Variants in LCLAT1 observed in about 807,000 individuals in gnomAD.
The protein encoded by LCLAT1 is lysocardiolipin acyltransferase 1.
A neutral mutation model predicts 30.7 loss-of-function variants in LCLAT1; 11 were observed. That is an observed-to-expected ratio of 0.36 (90% CI 0.23 to 0.59). LCLAT1 has a LOEUF of 0.59. Among genes scored for constraint, LCLAT1 ranks in the 20% least tolerant of loss-of-function variants. The probability of loss-of-function intolerance (pLI) is 0.77; values close to 1 mark genes in which losing one functional copy is unlikely to be tolerated. For synonymous variants in LCLAT1, 155 were observed against 151.3 expected, an observed-to-expected ratio of 1.02 and a Z score of -0.18; for missense variants, 402 against 458.6, an observed-to-expected ratio of 0.88 and a Z score of 1.13.
intron 1 of LCLAT1, among the ~76,000 whole-genome samples, chr2:30,513,476 C>T (rs1246541573): frequency 6.6e-6 from 1 of 152,076 alleles, no homozygotes; most frequent in Non-Finnish European, 1.5e-5. Context: ...ACTTTATTGA[C>T]CCCTAGTCTC....
intron 5 of LCLAT1, among the ~76,000 whole-genome samples, chr2:30,603,129 A>C (rs555744169): frequency 6.6e-5 from 10 of 152,176 alleles, no homozygotes; most frequent in Admixed American, 5.2e-4. Flanking sequence ...TCAATATATA[A>C]TGCAACATAT....
At chr2:30,601,240 A>C (rs1035203217) in intron 5 of LCLAT1, among the ~76,000 whole-genome samples, 2 of 152,142 alleles carry the variant, frequency 1.3e-5, no homozygotes, top group African/African-American at 2.4e-5. Flanking sequence ...GTACTCCTTT[A>C]ACTCAGTGAA....
chr2:30,570,629 C>T (rs1665737989), intron 5 of LCLAT1, among the ~76,000 whole-genome samples: 1 of 152,158 alleles, frequency 6.6e-6, no homozygotes, highest in Admixed American at 6.5e-5. Flanking sequence ...CTAGTTGCTG[C>T]TTGTATTTAT....
chr2:30,604,118 T>G (rs1667315546), intron 5 of LCLAT1, among the ~76,000 whole-genome samples: 1 of 134,154 alleles, frequency 7.5e-6, no homozygotes, highest in Admixed American at 8.0e-5. Flanking sequence ...TGCCTTTAGA[T>G]TAGGGCACAA....
In LCLAT1 at chr2:30,525,751, C is replaced by T. The variant is rs1442677020; in HGVS notation, c.161C>T (p.Pro54Leu). ...CTTGTGGCAACATGGCTCACCCTAC[C>T]TGTGGTAAGTTACACACCAGAGGAG... The part of the protein sequence containing the change: ...NRLVATWLTL[P>L]VALLETMFGV... Residue 54 changes from proline (P) to leucine (L), a missense_variant, in exon 2 of 6, where the codon CCT becomes CTT. By Grantham distance (98) the Pro-to-Leu change is moderately conservative. Transcript: ENST00000379509. 2 of 1,613,948 alleles carry T rather than the reference C, an allele frequency of 1.2e-6. No homozygotes were observed. The highest frequency in any genetic ancestry group is 1.7e-6 in the Non-Finnish European group (2 of 1,179,996).
intron 3 of LCLAT1, among the ~76,000 whole-genome samples, chr2:30,557,366 GCAC>G (rs1664973783): frequency 6.7e-6 from 1 of 148,194 alleles, no homozygotes; most frequent in Admixed American, 6.7e-5. Context: ...TTTTTTAAAA[GCAC>G]CAATCATGTA....
chr2:30,602,006 G>T (rs1369405175), intron 5 of LCLAT1, among the ~76,000 whole-genome samples: 1 of 152,100 alleles, frequency 6.6e-6, no homozygotes, highest in Admixed American at 6.6e-5. Context: ...GGGCTGCCTA[G>T]ATATGATGAG....
intron 3 of LCLAT1, among the ~76,000 whole-genome samples, chr2:30,551,915 G>C (rs1016320408): frequency 6.6e-6 from 1 of 152,092 alleles, no homozygotes; most frequent in Non-Finnish European, 1.5e-5. Flanking sequence ...TGATTACATT[G>C]GGCCCACTAG....
At chr2:30,530,591 G>A (rs1349287467) in intron 2 of LCLAT1, among the ~76,000 whole-genome samples, 1 of 152,192 alleles carries the variant, frequency 6.6e-6, no homozygotes, top group Non-Finnish European at 1.5e-5. Flanking sequence ...CTCTTGCCCA[G>A]CTGGAGTGTA....
intron 1 of LCLAT1, among the ~76,000 whole-genome samples, chr2:30,509,941 T>C (rs1684857978): frequency 6.6e-6 from 1 of 152,142 alleles, no homozygotes; most frequent in Admixed American, 6.5e-5. Context: ...AGAGCAGGAA[T>C]TTTATTAGCA....
chr2:30,634,495 G>A (rs1490238031), intron 5 of LCLAT1, among the ~76,000 whole-genome samples: 4 of 152,188 alleles, frequency 2.6e-5, no homozygotes, highest in Admixed American at 2.6e-4. Flanking sequence ...GCGTGGTGGT[G>A]TGCGTCTGTA....
intron 5 of LCLAT1, among the ~76,000 whole-genome samples, chr2:30,632,390 A>G (rs1309857271): frequency 6.6e-6 from 1 of 152,170 alleles, no homozygotes; most frequent in Non-Finnish European, 1.5e-5. Context: ...GTGAGTTAGT[A>G]GGGATGGAGA....
Position 30,640,792 on chromosome 2 carries a change from T to G in LCLAT1, c.*173T>G. On this transcript the variant is annotated 3_prime_UTR_variant, in exon 6 of 6. Transcript: ENST00000379509. ...GGGAAAAATATTGCTACAATTTTTT[T>G]TAATCTCTGAATGTAATTTCGATAC... 1.3e-6 allele frequency: 1 copy of G among 771,264 alleles called. No homozygotes were observed. Among genetic ancestry groups the G allele is most frequent in the Non-Finnish European group, 2.0e-6 (1 of 501,636 alleles). 47.8% of individuals were successfully genotyped at this position (771,264 alleles called of 1,614,324 possible).
At chr2:30,585,083 A>T (rs1446782099) in intron 5 of LCLAT1, among the ~76,000 whole-genome samples, 1 of 152,058 alleles carries the variant, frequency 6.6e-6, no homozygotes, top group Non-Finnish European at 1.5e-5. Context: ...GATCATCACG[A>T]TGATGGGCTC....
intron 1 of LCLAT1, among the ~76,000 whole-genome samples, chr2:30,467,728 A>G (rs1393913172): frequency 6.6e-6 from 1 of 152,162 alleles, no homozygotes; most frequent in Admixed American, 6.5e-5. Context: ...TGGCTGCATA[A>G]ATGTCTTCTT....
chr2:30,577,870 G>A (rs537711223), intron 5 of LCLAT1, among the ~76,000 whole-genome samples: 3 of 152,036 alleles, frequency 2.0e-5, no homozygotes, highest in African/African-American at 7.2e-5. Flanking sequence ...TTTGATGGCC[G>A]AAATATTTTT....
intron 1 of LCLAT1, among the ~76,000 whole-genome samples, chr2:30,497,773 C>T (rs1232566795): frequency 1.3e-5 from 2 of 152,184 alleles, no homozygotes; most frequent in Non-Finnish European, 2.9e-5. Context: ...GTCAGCCATA[C>T]TCTTCATCAC....
chr2:30,604,758 G>A (rs534930591), intron 5 of LCLAT1, among the ~76,000 whole-genome samples: 3 of 151,584 alleles, frequency 2.0e-5, no homozygotes, highest in African/African-American at 7.3e-5. Flanking sequence ...TTGCTTACCC[G>A]TGCTTTAATA....
At chr2:30,590,912 A>G (rs1666665804) in intron 5 of LCLAT1, among the ~76,000 whole-genome samples, 1 of 152,186 alleles carries the variant, frequency 6.6e-6, no homozygotes, top group Non-Finnish European at 1.5e-5. Flanking sequence ...AATACACTGC[A>G]TGATTTGTAA....
Sources: allele counts gnomAD v4.1 joint callset (sites outside exome capture counted in the v4.1 genomes callset), GRCh38; gene constraint gnomAD v4.1.1; transcripts MANE v1.5; gene names NCBI Gene and HGNC (gene_info 2026-07-23, HGNC 2026-07-21).